COL14A1: variants seen among roughly 807,000 people sequenced by gnomAD.
The protein encoded by COL14A1 is collagen type XIV alpha 1 chain.
COL14A1 carries 136 observed loss-of-function variants against 230.3 expected under a neutral mutation model. That is an observed-to-expected ratio of 0.59 (90% confidence interval 0.51 to 0.68). The LOEUF (loss-of-function observed/expected upper bound fraction) is 0.68, where lower values mean the gene tolerates loss of function less well. COL14A1 is among the 30% of genes least tolerant of loss of function. COL14A1 has a pLI of 0.00. For missense variants in COL14A1, 1,976 were observed against 2,215.8 expected, an observed-to-expected ratio of 0.89 and a Z score of 2.17; for synonymous variants, 792 against 784.1, an observed-to-expected ratio of 1.01 and a Z score of -0.17.
chr8:120,261,152 C>T (rs1234207709), intron 23 of COL14A1, among the ~76,000 whole-genome samples: 1 of 152,028 alleles, frequency 6.6e-6, no homozygotes, highest in Non-Finnish European at 1.5e-5. Flanking sequence ...ATGGATATTC[C>T]AATTACCTGA....
At chr8:120,260,431 A>G (rs957827025) in intron 23 of COL14A1, among the ~76,000 whole-genome samples, 1 of 152,148 alleles carries the variant, frequency 6.6e-6, no homozygotes, top group Non-Finnish European at 1.5e-5. Context: ...GCTTTTATAT[A>G]TTGTAGATTC....
chr8:120,226,977 T>G (rs918704788), intron 16 of COL14A1, among the ~76,000 whole-genome samples: 1 of 152,224 alleles, frequency 6.6e-6, no homozygotes, highest in African/African-American at 2.4e-5. Context: ...TTATATATTT[T>G]CAGATTCTTT....
chr8:120,238,541 G>T (rs973790579), intron 19 of COL14A1, among the ~76,000 whole-genome samples: 3 of 152,176 alleles, frequency 2.0e-5, no homozygotes, highest in Non-Finnish European at 2.9e-5. Flanking sequence ...TAGCTTGTTG[G>T]GCTCCGTGGG....
rs1018882773 is a variant in COL14A1 at position 120,168,303 on chromosome 8, G to A, written c.436+56G>A. 3.2e-6 allele frequency: 4 copies of A among 1,255,954 alleles called. No individual in the cohort carries two copies. In the African/African-American group the frequency reaches 4.5e-5, roughly 14 times the overall value. 77.8% of individuals were successfully genotyped at this position (1,255,954 alleles called of 1,614,324 possible). ...GGAGTTGGGTTGTTTTAATTACACA[G>A]GCAATACTCACATGTGGGGTTGCTG... On this transcript the variant is annotated intron_variant, in intron 5 of 47. Coordinates refer to ENST00000297848, the MANE Select transcript of COL14A1 (RefSeq NM_021110.4).
Position 120,226,723 on chromosome 8 carries a change from A to G in COL14A1, c.1961A>G (p.His654Arg). The G allele has an allele frequency of 6.2e-7, 1 of 1,613,874 alleles. No individual in the cohort carries two copies. The highest frequency in any genetic ancestry group is 8.5e-7 in the Non-Finnish European group (1 of 1,179,862). ...CCCCTCTCAGCTGATGAAGGGCTACACAAATTGATGTGGATTCCAGTCTAT... is the reference window on the plus strand; with the variant it reads ...CCCCTCTCAGCTGATGAAGGGCTACGCAAATTGATGTGGATTCCAGTCTAT... ...WHPLSADEGL[H>R]KLMWIPVYGG... Residue 654 changes from histidine (H) to arginine (R), a missense_variant, in exon 16 of 48, where the codon CAC (histidine) becomes CGC (arginine). His to Arg is a conservative substitution (Grantham distance 29). This residue lies in a region of COL14A1 where 1,791 missense variants were observed against 2,019.5 expected (regional missense o/e 0.89). Transcript: ENST00000297848.
intron 1 of COL14A1, among the ~76,000 whole-genome samples, chr8:120,126,656 C>T (rs919194906): frequency 6.6e-6 from 1 of 152,158 alleles, no homozygotes; most frequent in Non-Finnish European, 1.5e-5. Flanking sequence ...TTTTATAATA[C>T]TTGCAGTAGG....
intron 14 of COL14A1, among the ~76,000 whole-genome samples, chr8:120,219,268 A>C (rs1216235326): frequency 6.6e-6 from 1 of 152,018 alleles, no homozygotes; most frequent in Non-Finnish European, 1.5e-5. Flanking sequence ...ACATGCCACC[A>C]TGCCTAGCTA....
At chr8:120,174,592 AT>A (rs1290879893) in intron 5 of COL14A1, among the ~76,000 whole-genome samples, 1 of 152,164 alleles carries the variant, frequency 6.6e-6, no homozygotes, top group Non-Finnish European at 1.5e-5. Flanking sequence ...GTTTGAACAT[AT>A]GTTTACGGAG....
intron 12 of COL14A1, 152 bp from the exon 13 acceptor site, chr8:120,212,296 A>G (rs1817635280): frequency 1.5e-6 from 1 of 654,950 alleles, no homozygotes; most frequent in South Asian, 2.5e-5. Flanking sequence ...ACACAAGACA[A>G]TTTAAAAATT....
At chr8:120,259,377 A>C (rs1819258418) in intron 23 of COL14A1, among the ~76,000 whole-genome samples, 1 of 152,162 alleles carries the variant, frequency 6.6e-6, no homozygotes, top group Non-Finnish European at 1.5e-5. Flanking sequence ...GAATGAGTGC[A>C]CAAATAAAGA....
In COL14A1 at chr8:120,371,936, T is replaced by C. The variant is rs925221523; in HGVS notation, c.*705T>C. 3.3e-6 allele frequency: 1 copy of C among 301,098 alleles called. No homozygotes were observed. The allele number at this position is 301,098 out of a possible 1,614,324, so 18.7% of individuals were successfully genotyped here. On this transcript the variant is annotated 3_prime_UTR_variant, in exon 48 of 48. Transcript: ENST00000297848. The stretch of plus-strand genomic sequence containing the variant: ...TTTATCCAGCAGTGTGTTCCAGGGG[T>C]TGCCTCTCCTTATCTACGGGGATTA...
chr8:120,157,702 A>G (rs1171494252), intron 2 of COL14A1, among the ~76,000 whole-genome samples: 1 of 152,012 alleles, frequency 6.6e-6, no homozygotes, highest in Non-Finnish European at 1.5e-5. Context: ...AATATATATT[A>G]TGGCCAGGCG....
At chr8:120,146,045 A>G (rs1815080687) in intron 1 of COL14A1, among the ~76,000 whole-genome samples, 1 of 152,162 alleles carries the variant, frequency 6.6e-6, no homozygotes, top group South Asian at 2.1e-4. Flanking sequence ...GATCATGTCT[A>G]TGTGGTTAAA....
chr8:120,142,505 C>A (rs1196934165), intron 1 of COL14A1, among the ~76,000 whole-genome samples: 2 of 152,232 alleles, frequency 1.3e-5, no homozygotes. Context: ...TAAATTAATC[C>A]AGGCTATAAT....
chr8:120,369,199 T>A, intron 46 of COL14A1, 131 bp from the exon 47 acceptor site: 1 of 834,328 alleles, frequency 1.2e-6, no homozygotes, highest in Non-Finnish European at 1.7e-6. Flanking sequence ...AAGAACTCAA[T>A]GAGTAGAAAG....
chr8:120,320,629 G>C (rs1821404177), intron 40 of COL14A1, among the ~76,000 whole-genome samples: 1 of 152,140 alleles, frequency 6.6e-6, no homozygotes, highest in Non-Finnish European at 1.5e-5. Flanking sequence ...TAAGATTCAT[G>C]ATAATTATTC....
intron 36 of COL14A1, among the ~76,000 whole-genome samples, chr8:120,306,313 G>A (rs1046163061): frequency 1.3e-5 from 2 of 152,150 alleles, no homozygotes; most frequent in African/African-American, 2.4e-5. Flanking sequence ...TTCTAATGGG[G>A]AGAAGCAGCA....
intron 8 of COL14A1, 49 bp from the exon 9 acceptor site, chr8:120,203,660 T>C (rs2130735762): frequency 6.3e-7 from 1 of 1,598,944 alleles, no homozygotes; most frequent in East Asian, 2.2e-5. Context: ...AGTCACTCTT[T>C]CCAAGGGGGC....
chr8:120,178,275 G>A (rs1027837752), intron 5 of COL14A1, among the ~76,000 whole-genome samples: 13 of 152,052 alleles, frequency 8.5e-5, no homozygotes, highest in African/African-American at 2.9e-4. Context: ...CCCTTCCTAT[G>A]TCCATGTGTT....
Sources: allele counts gnomAD v4.1 joint callset (sites outside exome capture counted in the v4.1 genomes callset), GRCh38; gene constraint gnomAD v4.1.1; regional missense constraint gnomAD v4.1.1; transcripts MANE v1.5; gene names NCBI Gene and HGNC (gene_info 2026-07-23, HGNC 2026-07-21).